Variants in ITCH observed in about 807,000 individuals in gnomAD.
ITCH encodes E3 ubiquitin-protein ligase Itchy homolog.
Under a neutral mutation model 126.8 loss-of-function variants are expected in ITCH, and 28 were observed. That is an observed-to-expected ratio of 0.22 (90% confidence interval 0.16 to 0.30). The LOEUF is 0.30. Among genes scored for constraint, ITCH ranks in the 10% least tolerant of loss-of-function variants. ITCH has a pLI of 1.00. For synonymous variants in ITCH, 342 were observed against 340.0 expected, an observed-to-expected ratio of 1.01 and a Z score of -0.06; for missense variants, 631 against 1,032.4, an observed-to-expected ratio of 0.61 and a Z score of 5.33.
chr20:34,460,338 G>GCCACCACAC (rs1446820424), intron 13 of ITCH, among the ~76,000 whole-genome samples: 1 of 149,100 alleles, frequency 6.7e-6, no homozygotes, highest in East Asian at 2.0e-4. Flanking sequence ...ATAGGCATGG[G>GCCACCACAC]CCACCACACC....
intron 2 of ITCH, among the ~76,000 whole-genome samples, chr20:34,381,487 C>T (rs536252963): frequency 1.3e-5 from 2 of 151,588 alleles, no homozygotes; most frequent in Non-Finnish European, 2.9e-5. Flanking sequence ...AGTGCAATGG[C>T]GCGATCTCTG....
intron 6 of ITCH, among the ~76,000 whole-genome samples, chr20:34,422,419 C>CA (rs1980895177): frequency 6.6e-6 from 1 of 152,124 alleles, no homozygotes; most frequent in Non-Finnish European, 1.5e-5. Context: ...TACTAATAGA[C>CA]ACATTTTAGT....
rs1212441482 is a variant in ITCH at position 34,508,881 on chromosome 20, G to A, written c.*1087G>A. The A allele has an allele frequency of 2.6e-5, 4 of 152,304 alleles. No individual in the cohort carries two copies. In the East Asian group the frequency reaches 7.7e-4, roughly 29 times the overall value. The allele number at this position is 152,304 out of a possible 1,614,324, so 9.4% of individuals were successfully genotyped here. A position where few individuals can be genotyped will look rare whatever the true frequency, so the allele number is the denominator to read the frequency against. On this transcript the variant is annotated 3_prime_UTR_variant, in exon 25 of 25. Transcript: ENST00000374864. ...TGCTTTCTAGTCCAAATAGAGGTCA[G>A]TGAAACAGCTTTTGACATCAGATTT...
chr20:34,409,163 T>C (rs1978620309), intron 4 of ITCH, among the ~76,000 whole-genome samples: 1 of 125,838 alleles, frequency 7.9e-6, no homozygotes, highest in African/African-American at 3.0e-5. Context: ...GTTTTTAACT[T>C]AATTTTTAAA....
At chr20:34,463,362 C>CA (rs985270502) in intron 14 of ITCH, among the ~76,000 whole-genome samples, 2 of 152,140 alleles carry the variant, frequency 1.3e-5, no homozygotes, top group East Asian at 1.9e-4. Flanking sequence ...GACTCCGTCT[C>CA]AAAAAAACAC....
chr20:34,385,217 GTGT>G (rs2038234154), intron 2 of ITCH, among the ~76,000 whole-genome samples: 1 of 127,390 alleles, frequency 7.8e-6, no homozygotes, highest in African/African-American at 3.5e-5. Flanking sequence ...GTGTGTGTGT[GTGT>G]GGTTTTTTTT....
Position 34,477,661 on chromosome 20 carries a change from G to A in ITCH, c.1570-111G>A, listed in dbSNP as rs914717006. The A allele has an allele frequency of 1.6e-5, 14 of 889,618 alleles. No homozygotes were observed. In the African/African-American group the frequency reaches 2.0e-4, roughly 13 times the overall value. The allele number at this position is 889,618 out of a possible 1,614,324, so 55.1% of individuals were successfully genotyped here. On this transcript the variant is annotated intron_variant, in intron 16 of 24. Transcript: ENST00000374864. ...TTGACTAGACCATGAACACCTTTCTGTGTCATGGGAGATTTCAGTTACCTA... is the reference window on the plus strand; with the variant it reads ...TTGACTAGACCATGAACACCTTTCTATGTCATGGGAGATTTCAGTTACCTA...
intron 16 of ITCH, chr20:34,476,493 CA>C: frequency 8.3e-7 from 1 of 1,201,452 alleles, no homozygotes; most frequent in Non-Finnish European, 1.0e-6. Flanking sequence ...GTCGGGAACT[CA>C]AAAGGAATTA....
At chr20:34,436,133 C>G (rs1432793679) in intron 7 of ITCH, among the ~76,000 whole-genome samples, 1 of 152,174 alleles carries the variant, frequency 6.6e-6, no homozygotes, top group Non-Finnish European at 1.5e-5. Flanking sequence ...CCTGTTTCTG[C>G]TGTACCTTTA....
chr20:34,400,313 T>G (rs1396945536), intron 3 of ITCH, among the ~76,000 whole-genome samples: 1 of 152,060 alleles, frequency 6.6e-6, no homozygotes, highest in African/African-American at 2.4e-5. Context: ...CAAGTGATGC[T>G]CCCAGCCTTT....
intron 5 of ITCH, among the ~76,000 whole-genome samples, chr20:34,413,197 T>C (rs1484862883): frequency 1.3e-5 from 2 of 152,178 alleles, no homozygotes; most frequent in African/African-American, 2.4e-5. Flanking sequence ...TAAATGCTTA[T>C]TTTTAAAAAT....
intron 16 of ITCH, chr20:34,476,386 G>A: frequency 7.9e-7 from 1 of 1,269,968 alleles, no homozygotes; most frequent in Non-Finnish European, 1.0e-6. Flanking sequence ...TCCAGCGCGG[G>A]ACCCGGCGTG....
intron 12 of ITCH, among the ~76,000 whole-genome samples, chr20:34,451,863 T>C (rs1169738748): frequency 1.3e-5 from 2 of 151,736 alleles, no homozygotes; most frequent in East Asian, 3.9e-4. Context: ...AGCCCGGGAG[T>C]TGGAGATCAG....
At chr20:34,489,500 C>T in intron 21 of ITCH, 114 bp downstream of exon 21, 2 of 1,051,316 alleles carry the variant, frequency 1.9e-6, no homozygotes. Flanking sequence ...TATACTGGGG[C>T]AAAATGTTTT....
At chr20:34,396,755 T>G (rs2038692867) in intron 3 of ITCH, among the ~76,000 whole-genome samples, 1 of 152,198 alleles carries the variant, frequency 6.6e-6, no homozygotes, top group Admixed American at 6.5e-5. Flanking sequence ...TTTTGTATCT[T>G]TTTTGGAGAA....
intron 12 of ITCH, among the ~76,000 whole-genome samples, chr20:34,452,069 CAAAAAAAA>C (rs765697780): frequency 5.6e-5 from 3 of 53,316 alleles, no homozygotes; most frequent in African/African-American, 2.1e-4. Flanking sequence ...GACCCTGTCT[CAAAAAAAA>C]AAAAAAAAAA....
intron 16 of ITCH, among the ~76,000 whole-genome samples, chr20:34,477,325 G>A (rs1435735786): frequency 6.6e-6 from 1 of 152,210 alleles, no homozygotes; most frequent in Non-Finnish European, 1.5e-5. Flanking sequence ...GAGGTCAGGA[G>A]TTTGAGACCA....
At chr20:34,457,795 C>A (rs1986149303) in intron 13 of ITCH, among the ~76,000 whole-genome samples, 1 of 151,808 alleles carries the variant, frequency 6.6e-6, no homozygotes, top group African/African-American at 2.4e-5. Flanking sequence ...AAAAAAAATC[C>A]CCAAAATTGG....
intron 23 of ITCH, among the ~76,000 whole-genome samples, chr20:34,503,028 G>A (rs1206461894): frequency 6.6e-6 from 1 of 152,100 alleles, no homozygotes; most frequent in African/African-American, 2.4e-5. Flanking sequence ...TATATATATT[G>A]AGTAGAGAGA....
Sources: allele counts gnomAD v4.1 joint callset (sites outside exome capture counted in the v4.1 genomes callset), GRCh38; gene constraint gnomAD v4.1.1; transcripts MANE v1.5; gene names NCBI Gene and HGNC (gene_info 2026-07-23, HGNC 2026-07-21).